OTUD7A: variants seen among roughly 807,000 people sequenced by gnomAD.
The protein encoded by OTUD7A is OTU domain-containing protein 7A.
Under a neutral mutation model 65.7 loss-of-function variants are expected in OTUD7A, and 12 were observed. The ratio of observed to expected loss-of-function variants is 0.18; its 90% confidence interval spans 0.12 to 0.30. OTUD7A has a LOEUF of 0.30. Among genes scored for constraint, OTUD7A ranks in the 10% least tolerant of loss-of-function variants. The pLI is 1.00. For missense variants in OTUD7A, 1,148 were observed against 1,304.8 expected (o/e 0.88, Z 1.85); for synonymous variants, 641 against 586.3 (o/e 1.09, Z -1.35).
intron 10 of OTUD7A, among the ~76,000 whole-genome samples, chr15:31,496,761 T>A (rs956981836): frequency 6.6e-6 from 1 of 152,158 alleles, no homozygotes; most frequent in African/African-American, 2.4e-5. Flanking sequence ...GAGCCATACA[T>A]CAAATACAGA....
intron 4 of OTUD7A, among the ~76,000 whole-genome samples, chr15:31,567,838 C>T (rs1298826522): frequency 6.6e-6 from 1 of 152,240 alleles, no homozygotes; most frequent in Non-Finnish European, 1.5e-5. Context: ...CAGGCTGCTG[C>T]TTCAGAGGGT....
intron 1 of OTUD7A, among the ~76,000 whole-genome samples, chr15:31,775,381 T>C (rs1595760773): frequency 6.6e-6 from 1 of 152,236 alleles, no homozygotes; most frequent in East Asian, 1.9e-4. Context: ...TGAAAACCTC[T>C]GCCTTTGTGG....
At chr15:31,774,819 T>C (rs1895330144) in intron 1 of OTUD7A, among the ~76,000 whole-genome samples, 1 of 151,958 alleles carries the variant, frequency 6.6e-6, no homozygotes, top group African/African-American at 2.4e-5. Flanking sequence ...TTATAACACT[T>C]GTCTTTTAGA....
At chr15:31,515,382 G>A (rs1459200) in intron 8 of OTUD7A, among the ~76,000 whole-genome samples, 60,975 of 151,930 alleles carry the variant, frequency 0.4, 12,336 homozygotes, top group Non-Finnish European at 0.42. Context: ...GCTCAGTATT[G>A]GGCACCTTTG....
intron 1 of OTUD7A, among the ~76,000 whole-genome samples, chr15:31,851,850 T>C (rs1369306917): frequency 1.3e-5 from 2 of 151,886 alleles, no homozygotes; most frequent in Admixed American, 1.3e-4. Flanking sequence ...TGTGTTTTGT[T>C]TGTTTTGTTT....
intron 1 of OTUD7A, among the ~76,000 whole-genome samples, chr15:31,720,256 T>A (rs1490038373): frequency 6.6e-6 from 1 of 151,526 alleles, no homozygotes; most frequent in Non-Finnish European, 1.5e-5. Flanking sequence ...ATCCAATAGT[T>A]GTTATTTACA....
At chr15:31,844,755 C>T (rs768429810) in intron 1 of OTUD7A, among the ~76,000 whole-genome samples, 1 of 152,238 alleles carries the variant, frequency 6.6e-6, no homozygotes, top group Non-Finnish European at 1.5e-5. Context: ...CCAACACTCC[C>T]AACCTTCCGT....
intron 1 of OTUD7A, among the ~76,000 whole-genome samples, chr15:31,818,769 C>G (rs1209125003): frequency 6.6e-6 from 1 of 152,212 alleles, no homozygotes; most frequent in African/African-American, 2.4e-5. Context: ...TGAAGCATTA[C>G]AGAACTCATG....
chr15:31,774,682 G>T (rs1381040716), intron 1 of OTUD7A, among the ~76,000 whole-genome samples: 2 of 152,178 alleles, frequency 1.3e-5, no homozygotes, highest in Admixed American at 6.5e-5. Flanking sequence ...CACATCCAGA[G>T]ATTTTTCTGC....
rs1479543750 is a variant in OTUD7A at position 31,484,051 on chromosome 15, T to G, written c.2045A>C (p.Asp682Ala). Reference sequence around the variant, plus strand: ...GGCAGCGGCGGCCGCAGTAGCGGCGTCGCGGCGCCGCTGCTCCTGCTCGGC... The same window carrying G: ...GGCAGCGGCGGCCGCAGTAGCGGCGGCGCGGCGCCGCTGCTCCTGCTCGGC... ...FSAEQEQRRR[D>A]AATAAAAAAA... The change falls in exon 13 of 13, where the codon GAC becomes GCC. Residue 682 changes from aspartate (D) to alanine (A), a missense_variant. Transcript: ENST00000307050. This position sits in a 1 kb window ranked among gnomAD's most constrained non-coding sequence, Gnocchi z 4.5. 4.4e-6 allele frequency: 6 copies of G among 1,355,336 alleles called. No homozygotes were observed. The highest frequency in any genetic ancestry group is 5.7e-6 in the Non-Finnish European group (6 of 1,054,910). The allele number at this position is 1,355,336 out of a possible 1,614,324, so 84.0% of individuals were successfully genotyped here.
chr15:31,548,863 C>A (rs1420939212), intron 5 of OTUD7A, among the ~76,000 whole-genome samples: 1 of 152,100 alleles, frequency 6.6e-6, no homozygotes, highest in African/African-American at 2.4e-5. Context: ...TGGCTGGACA[C>A]AGTGGCTCAT....
At chr15:31,779,755 C>G (rs1328048760) in intron 1 of OTUD7A, among the ~76,000 whole-genome samples, 1 of 151,914 alleles carries the variant, frequency 6.6e-6, no homozygotes, top group African/African-American at 2.4e-5. Flanking sequence ...ACTTTGGAGC[C>G]CTAGGGGTGG....
intron 1 of OTUD7A, among the ~76,000 whole-genome samples, chr15:31,823,633 A>T (rs1896737187): frequency 6.6e-6 from 1 of 152,244 alleles, no homozygotes; most frequent in Non-Finnish European, 1.5e-5. Context: ...GACGTAAAAT[A>T]TCTCAAATTA....
intron 1 of OTUD7A, among the ~76,000 whole-genome samples, chr15:31,830,989 G>C (rs980466509): frequency 6.6e-6 from 1 of 152,202 alleles, no homozygotes; most frequent in Non-Finnish European, 1.5e-5. Context: ...AGAATAAAGG[G>C]CCCAGAAATA....
intron 1 of OTUD7A, among the ~76,000 whole-genome samples, chr15:31,806,775 C>T (rs1483890320): frequency 1.3e-5 from 2 of 152,256 alleles, no homozygotes; most frequent in African/African-American, 4.8e-5. Context: ...GAGCATTTCA[C>T]AATCCAATAT....
At chr15:31,855,442 AAAGG>A (rs2141009527) in intron 1 of OTUD7A, among the ~76,000 whole-genome samples, 1 of 152,316 alleles carries the variant, frequency 6.6e-6, no homozygotes, top group South Asian at 2.1e-4. Context: ...AGAGAACAAG[AAAGG>A]AGGAAAACAG....
chr15:31,864,407 TTCCACACGGC>T (rs1453335704), intron 1 of OTUD7A, among the ~76,000 whole-genome samples: 1 of 152,154 alleles, frequency 6.6e-6, no homozygotes, highest in African/African-American at 2.4e-5. Flanking sequence ...GGACTTACAG[TTCCACACGGC>T]TGGGGAGACC....
chr15:31,642,368 T>C (rs542605340), intron 3 of OTUD7A, among the ~76,000 whole-genome samples: 218 of 152,314 alleles, frequency 1.4e-3, no homozygotes, highest in African/African-American at 4.9e-3. Flanking sequence ...TATTTGTCTG[T>C]AGTCTTTCTT....
At chr15:31,633,135 A>C (rs1891231872) in intron 3 of OTUD7A, among the ~76,000 whole-genome samples, 2 of 152,120 alleles carry the variant, frequency 1.3e-5, no homozygotes, top group African/African-American at 4.8e-5. Context: ...ACTGTCCTGC[A>C]CCCACTGTGT....
Sources: allele counts gnomAD v4.1 joint callset (sites outside exome capture counted in the v4.1 genomes callset), GRCh38; gene constraint gnomAD v4.1.1; non-coding constraint Gnocchi (gnomAD v3.1); transcripts MANE v1.5; gene names NCBI Gene and HGNC (gene_info 2026-07-23, HGNC 2026-07-21).